KATNAL1: variants seen among roughly 807,000 people sequenced by gnomAD.
The protein encoded by KATNAL1 is katanin p60 ATPase-containing subunit A-like 1.
A neutral mutation model predicts 55.2 loss-of-function variants in KATNAL1; 32 were observed. The ratio of observed to expected loss-of-function variants is 0.58; its 90% CI spans 0.44 to 0.78. The LOEUF (loss-of-function observed/expected upper bound fraction) is 0.78, where lower values mean the gene tolerates loss of function less well. KATNAL1 is among the 30% of genes least tolerant of loss of function. The pLI is 0.00. For missense variants in KATNAL1, 466 were observed against 600.9 expected (o/e 0.78, Z 2.35); for synonymous variants, 193 against 193.6 (o/e 1.00, Z 0.02).
At chr13:30,268,555 A>G (rs980475380) in intron 3 of KATNAL1, among the ~76,000 whole-genome samples, 1 of 152,226 alleles carries the variant, frequency 6.6e-6, no homozygotes, top group Non-Finnish European at 1.5e-5. Context: ...ACAAACAACA[A>G]ACAGACTAAT....
At position 30,240,496 on chromosome 13, in the gene KATNAL1, C is replaced by T. The variant is rs746459219; in HGVS notation, c.690G>A (p.Met230Ile). Reference sequence around the variant, plus strand: ...TTCTAATCCCTTTGAAAAAGTCAGGCATCCACATTGGAAGAACAACAGCTT... The same window carrying T: ...TTCTAATCCCTTTGAAAAAGTCAGGTATCCACATTGGAAGAACAACAGCTT... The part of the protein sequence containing the change: ...LREAVVLPMW[M>I]PDFFKGIRRP... The change falls in exon 6 of 11, where the codon ATG (methionine) becomes ATA (isoleucine). Residue 230 changes from methionine to isoleucine, a missense_variant. Transcript: ENST00000380615. The T allele has an allele frequency of 1.2e-6, 2 of 1,613,708 alleles. No homozygotes were observed. The highest frequency in any genetic ancestry group is 1.7e-6 in the Non-Finnish European group (2 of 1,179,698).
intron 9 of KATNAL1, among the ~76,000 whole-genome samples, chr13:30,214,497 G>T (rs1593829952): frequency 1.3e-5 from 2 of 152,168 alleles, no homozygotes; most frequent in African/African-American, 4.8e-5. Flanking sequence ...AAAGCTGGAG[G>T]CATCAAGCTA....
At chr13:30,265,088 T>C (rs528666593) in intron 3 of KATNAL1, among the ~76,000 whole-genome samples, 3,761 of 150,966 alleles carry the variant, frequency 0.025, 135 homozygotes, top group African/African-American at 0.084. Context: ...ATGGATGAAA[T>C]TGGAAATCAT....
At chr13:30,257,121 T>C (rs1455962554) in intron 3 of KATNAL1, among the ~76,000 whole-genome samples, 2 of 152,216 alleles carry the variant, frequency 1.3e-5, no homozygotes, top group Non-Finnish European at 2.9e-5. Context: ...AATAAAAAAT[T>C]GTAATTGTTA....
At chr13:30,256,479 T>C (rs1236506442) in intron 3 of KATNAL1, among the ~76,000 whole-genome samples, 7 of 152,190 alleles carry the variant, frequency 4.6e-5, no homozygotes, top group Non-Finnish European at 8.8e-5. Context: ...GCTATGTATG[T>C]ATCTGTAGCC....
rs73443666 is a variant in KATNAL1, at chr13:30,226,843, G to A, written c.1147+569C>T. Reference sequence around the variant, plus strand: ...GGTAATCCCAGCACTTTATGAGGCCGAGGCGGGAAATCACTTGAAGCCAGG... The same window carrying A: ...GGTAATCCCAGCACTTTATGAGGCCAAGGCGGGAAATCACTTGAAGCCAGG... On this transcript the variant is annotated intron_variant, in intron 9 of 10. Coordinates refer to ENST00000380615, the MANE Select transcript of KATNAL1 (RefSeq NM_032116.5). Among the ~76,000 whole-genome samples, 970 of 152,268 alleles carry A rather than the reference G, an allele frequency of 6.4e-3. 16 individuals are homozygous for A. The highest frequency in any genetic ancestry group is 0.022 in the African/African-American group (926 of 41,568).
intron 3 of KATNAL1, among the ~76,000 whole-genome samples, chr13:30,261,630 A>C (rs1301644325): frequency 6.6e-6 from 1 of 152,210 alleles, no homozygotes; most frequent in Non-Finnish European, 1.5e-5. Context: ...AGGCCATTAC[A>C]TAATGGTAAA....
chr13:30,290,113 G>C (rs751122536), intron 1 of KATNAL1, among the ~76,000 whole-genome samples: 3 of 152,152 alleles, frequency 2.0e-5, no homozygotes. Context: ...GCAGTTTGCC[G>C]ACTCTTGCTT....
At chr13:30,280,981 G>T (rs1881237605) in intron 2 of KATNAL1, among the ~76,000 whole-genome samples, 2 of 151,966 alleles carry the variant, frequency 1.3e-5, no homozygotes, top group Admixed American at 1.3e-4. Flanking sequence ...AGGCATGACA[G>T]CATGAGTCTG....
chr13:30,242,041 A>C (rs987800893), intron 4 of KATNAL1, among the ~76,000 whole-genome samples: 1 of 152,212 alleles, frequency 6.6e-6, no homozygotes, highest in Admixed American at 6.5e-5. Context: ...TGGCACCTAC[A>C]CAAGAAACAT....
At chr13:30,230,418 CA>C (rs1224577404) in intron 8 of KATNAL1, 49 bp downstream of exon 8, 1 of 1,557,744 alleles carries the variant, frequency 6.4e-7, no homozygotes, top group African/African-American at 1.4e-5. Context: ...TGAGTTTACA[CA>C]AAATATTTAA....
chr13:30,203,997 C>G lies in KATNAL1; in HGVS notation c.*4543G>C, dbSNP rs562449101. 3.3e-5 allele frequency: 5 copies of G among 152,194 alleles called. No individual in the cohort carries two copies. Among genetic ancestry groups the G allele is most frequent in the African/African-American group, 1.2e-4 (5 of 41,518 alleles). The allele number at this position is 152,194 out of a possible 1,614,324, so 9.4% of individuals were successfully genotyped here. A position where few individuals can be genotyped will look rare whatever the true frequency, so the allele number is the denominator to read the frequency against. ...CTGTAAAAATAGTTAGTGGAGATGACAGTAAAACATTCGAGGCTTAAATAT... is the reference window on the plus strand; with the variant it reads ...CTGTAAAAATAGTTAGTGGAGATGAGAGTAAAACATTCGAGGCTTAAATAT... On this transcript the variant is annotated 3_prime_UTR_variant, in exon 11 of 11. Coordinates refer to ENST00000380615, the MANE Select transcript of KATNAL1 (RefSeq NM_032116.5).
intron 9 of KATNAL1, among the ~76,000 whole-genome samples, chr13:30,223,103 A>G (rs1040513992): frequency 6.6e-6 from 1 of 151,398 alleles, no homozygotes; most frequent in Admixed American, 6.6e-5. Flanking sequence ...TTAAACAAAC[A>G]AACAAAAAAG....
intron 4 of KATNAL1, among the ~76,000 whole-genome samples, chr13:30,252,386 T>C (rs1878400210): frequency 6.6e-6 from 1 of 152,172 alleles, no homozygotes; most frequent in Non-Finnish European, 1.5e-5. Context: ...TCCAAAAATA[T>C]ACCAGGGACC....
intron 3 of KATNAL1, 24 bp downstream of exon 3, chr13:30,280,037 TAA>T: frequency 6.3e-7 from 1 of 1,588,172 alleles, no homozygotes; most frequent in East Asian, 2.2e-5. Context: ...TAGAAGCACC[TAA>T]AGAGAATATA....
chr13:30,299,590 A>G (rs1403027478), intron 1 of KATNAL1, among the ~76,000 whole-genome samples: 1 of 152,176 alleles, frequency 6.6e-6, no homozygotes, highest in Non-Finnish European at 1.5e-5. Context: ...AAATTAGAAG[A>G]ATTTCTAGGT....
At chr13:30,276,397 G>A (rs1880843178) in intron 3 of KATNAL1, among the ~76,000 whole-genome samples, 1 of 151,786 alleles carries the variant, frequency 6.6e-6, no homozygotes, top group African/African-American at 2.4e-5. Flanking sequence ...AAAAGTCAAT[G>A]AAGTGAAAAG....
chr13:30,226,241 T>C (rs529185085), intron 9 of KATNAL1, among the ~76,000 whole-genome samples: 2 of 152,332 alleles, frequency 1.3e-5, no homozygotes, highest in Admixed American at 1.3e-4. Flanking sequence ...GCTAAACATA[T>C]GCCTACCCTA....
In KATNAL1 at chr13:30,207,920, A is replaced by G. The variant is rs945055768; in HGVS notation, c.*620T>C. ...GACCTGGCAAAATGATTCAAATACC[A>G]CAGAGCGTGAGAATATTCCTCAGTA... On this transcript the variant is annotated 3_prime_UTR_variant, in exon 11 of 11. Coordinates refer to ENST00000380615, the MANE Select transcript of KATNAL1 (RefSeq NM_032116.5). The G allele has an allele frequency of 6.6e-6, 1 of 152,380 alleles. No homozygotes were observed. The highest frequency in any genetic ancestry group is 1.9e-4 in the East Asian group (1 of 5,196). 9.4% of individuals were successfully genotyped at this position (152,380 alleles called of 1,614,324 possible).
Sources: allele counts gnomAD v4.1 joint callset (sites outside exome capture counted in the v4.1 genomes callset), GRCh38; gene constraint gnomAD v4.1.1; transcripts MANE v1.5; gene names NCBI Gene and HGNC (gene_info 2026-07-23, HGNC 2026-07-21).